The following NEO1 variants were observed in gnomAD, a reference collection of about 807,000 sequenced individuals.
The protein encoded by NEO1 is neogenin.
In NEO1, 63 loss-of-function variants were observed where a neutral mutation model predicts 159.7. The observed-to-expected ratio is 0.39, with a 90% CI of 0.32 to 0.49. The LOEUF (loss-of-function observed/expected upper bound fraction) is 0.49, where lower values mean the gene tolerates loss of function less well. NEO1 is among the 20% of genes least tolerant of loss of function. The pLI is 0.85. For missense variants in NEO1, 1,615 were observed against 1,831.0 expected, an observed-to-expected ratio of 0.88 and a Z score of 2.15; for synonymous variants, 633 against 662.0, an observed-to-expected ratio of 0.96 and a Z score of 0.67.
At chr15:73,285,754 G>C (rs2041920634) in intron 23 of NEO1, among the ~76,000 whole-genome samples, 1 of 152,136 alleles carries the variant, frequency 6.6e-6, no homozygotes, top group African/African-American at 2.4e-5. Flanking sequence ...CAACAGGTAA[G>C]CTGGGCTTCT....
chr15:73,109,182 A>C (rs2070840575), intron 1 of NEO1, among the ~76,000 whole-genome samples: 1 of 152,200 alleles, frequency 6.6e-6, no homozygotes, highest in Non-Finnish European at 1.5e-5. Context: ...TGATTGTGAA[A>C]ACTAAGGTCC....
intron 7 of NEO1, among the ~76,000 whole-genome samples, chr15:73,192,819 A>G (rs11072405): frequency 0.37 from 55,876 of 151,934 alleles, 11,734 homozygotes; most frequent in East Asian, 0.57. Flanking sequence ...CTACACAGAA[A>G]TCTATTAATG....
chr15:73,298,479 G>A lies in NEO1; in HGVS notation c.4033G>A (p.Gly1345Ser), dbSNP rs1331401768. 2 of 1,614,082 alleles carry A rather than the reference G, an allele frequency of 1.2e-6. No individual in the cohort carries two copies. Among genetic ancestry groups the A allele is most frequent in the African/African-American group, 2.7e-5 (2 of 74,922 alleles). The change falls in exon 27 of 29, where the codon GGC becomes AGC. Residue 1345 changes from glycine (G) to serine (S), a missense_variant. By Grantham distance (56) the Gly-to-Ser change is moderately conservative. Transcript: ENST00000261908. ...YLASSQEEDSGQSLPTAHVRP... is the reference protein window; with the variant it reads ...YLASSQEEDSSQSLPTAHVRP... ...GGCCAGCTCCCAAGAGGAAGATTCA[G>A]GCCAGAGTCTTCCCACTGCCCATGT...
At chr15:73,170,746 C>A (rs1280367342) in intron 5 of NEO1, among the ~76,000 whole-genome samples, 1 of 152,108 alleles carries the variant, frequency 6.6e-6, no homozygotes, top group East Asian at 1.9e-4. Context: ...ATTTATTCTG[C>A]CCCTTTTCGA....
chr15:73,232,471 C>G (rs1056011343), intron 7 of NEO1, among the ~76,000 whole-genome samples: 5 of 152,170 alleles, frequency 3.3e-5, no homozygotes, highest in African/African-American at 9.7e-5. Flanking sequence ...GGAGTGCATT[C>G]AAAATCTGGA....
intron 1 of NEO1, among the ~76,000 whole-genome samples, chr15:73,089,811 C>T (rs1428185181): frequency 6.6e-6 from 1 of 152,058 alleles, no homozygotes; most frequent in Non-Finnish European, 1.5e-5. Context: ...CTACAGATAC[C>T]TCTCAAGTGT....
At chr15:73,237,037 G>C (rs1418337475) in intron 8 of NEO1, among the ~76,000 whole-genome samples, 1 of 152,184 alleles carries the variant, frequency 6.6e-6, no homozygotes, top group Non-Finnish European at 1.5e-5. Context: ...CCACAGGCTG[G>C]CTTCACTTTA....
intron 7 of NEO1, among the ~76,000 whole-genome samples, chr15:73,186,475 AAAAC>A (rs533719319): frequency 4.6e-5 from 7 of 152,226 alleles, no homozygotes; most frequent in Admixed American, 1.3e-4. Flanking sequence ...TGAAAGGAGA[AAAAC>A]AAAGTGGGCT....
At chr15:73,246,751 G>A (rs1023073047) in intron 9 of NEO1, among the ~76,000 whole-genome samples, 1 of 152,158 alleles carries the variant, frequency 6.6e-6, no homozygotes, top group African/African-American at 2.4e-5. Flanking sequence ...ATAAATATTT[G>A]TGTCTGTACA....
chr15:73,219,121 T>C (rs2038077841), intron 7 of NEO1, among the ~76,000 whole-genome samples: 1 of 151,852 alleles, frequency 6.6e-6, no homozygotes, highest in African/African-American at 2.4e-5. Context: ...TGGTATGTTG[T>C]GTCTTTGTTC....
intron 11 of NEO1, 42 bp downstream of exon 11, chr15:73,249,763 C>T: frequency 6.4e-7 from 1 of 1,565,494 alleles, no homozygotes; most frequent in Non-Finnish European, 8.6e-7. Context: ...ACACTTGGTG[C>T]CCCTAGTGGT....
rs895033225 is a variant in NEO1, at chr15:73,289,333, A to G, written c.3742+95A>G. On this transcript the variant is annotated intron_variant, in intron 25 of 28. Coordinates refer to ENST00000261908, the MANE Select transcript of NEO1 (RefSeq NM_002499.4). ...GATCTTTTTGACTTCACTTGATTCT[A>G]ACACAAAGATAATCTACCAAAGCTT... 1.4e-5 allele frequency: 15 copies of G among 1,039,572 alleles called. No homozygotes were observed. In the African/African-American group the frequency reaches 1.7e-4, roughly 12 times the overall value. The allele number at this position is 1,039,572 out of a possible 1,614,324, so 64.4% of individuals were successfully genotyped here.
intron 5 of NEO1, among the ~76,000 whole-genome samples, chr15:73,155,072 C>T (rs992033433): frequency 8.6e-5 from 13 of 151,628 alleles, no homozygotes; most frequent in Admixed American, 8.5e-4. Flanking sequence ...TTCATTACCA[C>T]ATTTAGGTCT....
intron 1 of NEO1, among the ~76,000 whole-genome samples, chr15:73,099,556 C>T (rs570605970): frequency 2.4e-4 from 37 of 152,150 alleles, no homozygotes; most frequent in Non-Finnish European, 4.4e-4. Context: ...TGTTCTTTTC[C>T]TTTGCTTATG....
Position 73,264,250 on chromosome 15 carries a change from G to A in NEO1, c.2399-2066G>A, listed in dbSNP as rs140158042. Among the ~76,000 whole-genome samples, 116 of 152,210 alleles carry A rather than the reference G, an allele frequency of 7.6e-4. 1 individual carries two copies. Among genetic ancestry groups the A allele is most frequent in the African/African-American group, 2.7e-3 (112 of 41,538 alleles). On this transcript the variant is annotated intron_variant, in intron 15 of 28. Coordinates refer to ENST00000261908, the MANE Select transcript of NEO1 (RefSeq NM_002499.4). ...ATACTGTTTCCTTTATGCAACTACT[G>A]ATGTGAAACTCCTTTGCAGTATTGA...
intron 1 of NEO1, among the ~76,000 whole-genome samples, chr15:73,109,024 C>T (rs1038656325): frequency 6.6e-6 from 1 of 152,126 alleles, no homozygotes; most frequent in African/African-American, 2.4e-5. Flanking sequence ...TTTATTTTAG[C>T]TGTACTGGGG....
At chr15:73,260,629 CA>C (rs1238532052) in intron 15 of NEO1, among the ~76,000 whole-genome samples, 164 bp downstream of exon 15, 2 of 152,128 alleles carry the variant, frequency 1.3e-5, no homozygotes, top group African/African-American at 4.8e-5. Context: ...ACCACATTTA[CA>C]GCTATATTTT....
At chr15:73,206,796 A>C (rs886419057) in intron 7 of NEO1, among the ~76,000 whole-genome samples, 2 of 151,540 alleles carry the variant, frequency 1.3e-5, no homozygotes, top group South Asian at 4.2e-4. Flanking sequence ...TTTAATTTTA[A>C]GAATGGCATT....
intron 7 of NEO1, among the ~76,000 whole-genome samples, chr15:73,228,294 T>C (rs1283843577): frequency 6.6e-6 from 1 of 152,178 alleles, no homozygotes; most frequent in Non-Finnish European, 1.5e-5. Flanking sequence ...AGAGTAGTTA[T>C]CTCATTGCGC....
Sources: allele counts gnomAD v4.1 joint callset (sites outside exome capture counted in the v4.1 genomes callset), GRCh38; gene constraint gnomAD v4.1.1; transcripts MANE v1.5; gene names NCBI Gene and HGNC (gene_info 2026-07-23, HGNC 2026-07-21).